The following BANP variants were observed in gnomAD, a reference collection of about 807,000 sequenced individuals.
The protein encoded by BANP is protein BANP.
Under a neutral mutation model 68.1 loss-of-function variants are expected in BANP, and 11 were observed. The observed-to-expected ratio is 0.16, with a 90% CI of 0.10 to 0.27. The LOEUF is 0.27. Ranked by LOEUF, BANP falls within the 10% of genes least tolerant of loss-of-function variation. The pLI is 1.00. For synonymous variants in BANP, 329 were observed against 303.2 expected, an observed-to-expected ratio of 1.09 and a Z score of -0.88; for missense variants, 504 against 722.7, an observed-to-expected ratio of 0.70 and a Z score of 3.47.
intron 1 of BANP, among the ~76,000 whole-genome samples, chr16:87,965,248 A>C (rs554810332): frequency 2.8e-4 from 43 of 152,302 alleles, no homozygotes; most frequent in African/African-American, 9.6e-4. Flanking sequence ...TGGGGGCAGC[A>C]TCTGGGCTGG....
chr16:88,055,335 C>T (rs1013297913), intron 11 of BANP, among the ~76,000 whole-genome samples: 4 of 151,932 alleles, frequency 2.6e-5, no homozygotes, highest in Non-Finnish European at 5.9e-5. Flanking sequence ...ACACATGACG[C>T]GTGTACATTT....
At chr16:88,013,973 G>T (rs142471852) in intron 6 of BANP, among the ~76,000 whole-genome samples, 1 of 152,184 alleles carries the variant, frequency 6.6e-6, no homozygotes, top group Non-Finnish European at 1.5e-5. Context: ...AGCAGGAAGC[G>T]CAGGGCGTGG....
At chr16:88,069,501 G>A (rs946996619) in intron 12 of BANP, among the ~76,000 whole-genome samples, 7 of 152,206 alleles carry the variant, frequency 4.6e-5, no homozygotes, top group African/African-American at 4.8e-5. Flanking sequence ...GGAGGGAGCC[G>A]GAGGGTAATC....
At chr16:87,958,520 T>C (rs917697785) in intron 1 of BANP, among the ~76,000 whole-genome samples, 2 of 152,190 alleles carry the variant, frequency 1.3e-5, no homozygotes, top group African/African-American at 4.8e-5. Context: ...CTGGATGTAG[T>C]GTATAAAGTA....
At position 88,003,107 on chromosome 16, in the gene BANP, C is replaced by T. The variant is rs556754537; in HGVS notation, c.363-1188C>T. Among the ~76,000 whole-genome samples the T allele has an allele frequency of 5.3e-5, 8 of 152,238 alleles. No homozygotes were observed. The East Asian group carries it at 1.5e-3, about 29-fold the overall frequency. ...CCTGTAGGTGACTGTGGTGACCAAG[C>T]CAAAAGCCACCTGGGTTACTTTCCA... On this transcript the variant is annotated intron_variant, in intron 4 of 13. Coordinates refer to ENST00000682872, the MANE Select transcript of BANP (RefSeq NM_001386991.1). The surrounding 1 kb of genome is among the most constrained non-coding windows in gnomAD (Gnocchi z 6.1).
rs377294767 is a variant in BANP at position 87,955,522 on chromosome 16, T to C, written c.-69+4007T>C. Among the ~76,000 whole-genome samples the C allele has an allele frequency of 2.0e-5, 3 of 152,336 alleles. No individual in the cohort carries two copies. The East Asian group carries it at 5.8e-4, about 29-fold the overall frequency. On this transcript the variant is annotated intron_variant, in intron 1 of 13. Coordinates refer to ENST00000682872, the MANE Select transcript of BANP (RefSeq NM_001386991.1). ...AAAGTTCACAGCATTATTGCGTAAA[T>C]GACAGACCTTATTCGAACTTCGGTT...
chr16:88,050,907 A>G (rs1290125943), intron 11 of BANP, among the ~76,000 whole-genome samples: 1 of 151,868 alleles, frequency 6.6e-6, no homozygotes, highest in Non-Finnish European at 1.5e-5. Flanking sequence ...GACTGGTCTC[A>G]AACTCCTGCG....
At position 88,064,182 on chromosome 16, in the gene BANP, G is replaced by A. The variant is rs1309363454; in HGVS notation, c.1312-1085G>A. Among the ~76,000 whole-genome samples, 6 of 151,638 alleles carry A rather than the reference G, an allele frequency of 4.0e-5. No homozygotes were observed. Among genetic ancestry groups the A allele is most frequent in the Non-Finnish European group, 7.4e-5 (5 of 67,854 alleles). On this transcript the variant is annotated intron_variant, in intron 11 of 13. Coordinates refer to ENST00000682872, the MANE Select transcript of BANP (RefSeq NM_001386991.1). The surrounding 1 kb of genome is among the most constrained non-coding windows in gnomAD (Gnocchi z 4.5). ...GCACGAGGCTGGGGCAGGAGGTGTC[G>A]GGGGCTTGAGAGGCGCAGGGGAGCA... is the stretch of plus-strand genomic sequence containing the variant.
intron 1 of BANP, among the ~76,000 whole-genome samples, chr16:87,971,591 A>T (rs1257380497): frequency 1.5e-5 from 2 of 136,424 alleles, no homozygotes; most frequent in African/African-American, 2.7e-5. Context: ...TTTTTCTTTA[A>T]ATAGTGTTTT....
intron 1 of BANP, among the ~76,000 whole-genome samples, chr16:87,954,168 C>G (rs1403535435): frequency 6.6e-6 from 1 of 152,118 alleles, no homozygotes; most frequent in Non-Finnish European, 1.5e-5. Flanking sequence ...GGAGTTGCGT[C>G]TTTATCCTTC....
chr16:88,050,786 C>A (rs1328805192), intron 11 of BANP, among the ~76,000 whole-genome samples: 1 of 152,154 alleles, frequency 6.6e-6, no homozygotes, highest in Non-Finnish European at 1.5e-5. Context: ...CCTCCAGGTT[C>A]AAGCAATCCT....
At chr16:87,995,739 C>T (rs1436940744) in intron 4 of BANP, among the ~76,000 whole-genome samples, 3 of 152,244 alleles carry the variant, frequency 2.0e-5, no homozygotes, top group Non-Finnish European at 4.4e-5. Flanking sequence ...CTGTAGAAAA[C>T]AGCCAGATAC....
chr16:88,033,121 G>T lies in BANP; in HGVS notation c.1076G>T (p.Ser359Ile), dbSNP rs2078564683. ...GTTGCCCCCACAGAGCCGATGATGA[G>T]CACCCCACCTCCTGCCAGCGAGCTC... ...SSYCPSEPMM[S>I]TPPPASELPQ... The change falls in exon 9 of 14, where the codon AGC becomes ATC. Residue 359 changes from serine to isoleucine, a missense_variant. This residue lies in a region of BANP where 223 missense variants were observed against 246.2 expected (regional missense o/e 0.91). Coordinates refer to ENST00000682872, the MANE Select transcript of BANP (RefSeq NM_001386991.1). The T allele has an allele frequency of 2.5e-6, 4 of 1,605,386 alleles. No individual in the cohort carries two copies. The highest frequency in any genetic ancestry group is 3.4e-6 in the Non-Finnish European group (4 of 1,173,650).
intron 11 of BANP, among the ~76,000 whole-genome samples, chr16:88,049,431 G>T (rs994608241): frequency 1.3e-5 from 2 of 152,170 alleles, no homozygotes; most frequent in African/African-American, 4.8e-5. Flanking sequence ...TGCTGGACCA[G>T]CTGCCTGGAA....
At chr16:88,054,851 A>G (rs371693675) in intron 11 of BANP, among the ~76,000 whole-genome samples, 6 of 152,198 alleles carry the variant, frequency 3.9e-5, no homozygotes, top group African/African-American at 7.2e-5. Flanking sequence ...TAAAGCCTTC[A>G]CAGTGTTGAA....
chr16:88,044,909 G>C (rs2081618205), intron 11 of BANP, among the ~76,000 whole-genome samples: 1 of 152,108 alleles, frequency 6.6e-6, no homozygotes, highest in Admixed American at 6.5e-5. Context: ...TTGAACCCTG[G>C]AGGCGGAGCT....
At chr16:88,053,181 C>CA (rs1567882823) in intron 11 of BANP, among the ~76,000 whole-genome samples, 1 of 152,126 alleles carries the variant, frequency 6.6e-6, no homozygotes, top group Non-Finnish European at 1.5e-5. Context: ...CAAACACTAC[C>CA]ACCACCACCT....
At chr16:87,955,337 G>A (rs1027729044) in intron 1 of BANP, among the ~76,000 whole-genome samples, 7 of 152,196 alleles carry the variant, frequency 4.6e-5, no homozygotes, top group African/African-American at 1.7e-4. Flanking sequence ...CCAGGTTCTC[G>A]TGCAGAATCA....
intron 1 of BANP, among the ~76,000 whole-genome samples, chr16:87,972,803 A>G (rs553086581): frequency 1.3e-5 from 2 of 152,200 alleles, no homozygotes; most frequent in African/African-American, 4.8e-5. Context: ...GTTCAGTTCC[A>G]AGCCGTTTCT....
Sources: allele counts gnomAD v4.1 joint callset (sites outside exome capture counted in the v4.1 genomes callset), GRCh38; gene constraint gnomAD v4.1.1; regional missense constraint gnomAD v4.1.1; non-coding constraint Gnocchi (gnomAD v3.1); transcripts MANE v1.5; gene names NCBI Gene and HGNC (gene_info 2026-07-23, HGNC 2026-07-21).